The following PKD1L1 variants were observed in gnomAD, a reference collection of about 807,000 sequenced individuals.
PKD1L1 encodes the protein polycystin-1-like protein 1.
PKD1L1 carries 236 observed loss-of-function variants against 323.4 expected under a neutral mutation model. The ratio of observed to expected loss-of-function variants is 0.73; its 90% CI spans 0.66 to 0.81. PKD1L1 has a LOEUF of 0.81. Ranked by LOEUF, PKD1L1 falls within the 40% of genes least tolerant of loss-of-function variation. The pLI, the probability that PKD1L1 is intolerant of heterozygous loss-of-function variation, is 0.00. For missense variants in PKD1L1, 3,320 were observed against 3,508.0 expected (o/e 0.95, Z 1.35); for synonymous variants, 1,344 against 1,335.0 (o/e 1.01, Z -0.15).
chr7:47,795,194 A>G, intron 55 of PKD1L1: 1 of 337,074 alleles, frequency 3.0e-6, no homozygotes, highest in Non-Finnish European at 5.8e-6. Flanking sequence ...TCCCTATTCA[A>G]ATCTCAACTA....
At position 47,852,099 on chromosome 7, in the gene PKD1L1, G is replaced by T. The variant is rs1583620242; in HGVS notation, c.4960+1028C>A. 2.0e-5 allele frequency among the ~76,000 whole-genome samples: 3 copies of T among 152,184 alleles called. No individual in the cohort carries two copies. In the South Asian group the frequency reaches 6.2e-4, roughly 32 times the overall value. On this transcript the variant is annotated intron_variant, in intron 31 of 56. Transcript: ENST00000289672. ...TTCATGAGATGTTTAAGTATTCAGGGGTGGTATGTCATGGGGCCTGCAACT... is the reference window on the plus strand; with the variant it reads ...TTCATGAGATGTTTAAGTATTCAGGTGTGGTATGTCATGGGGCCTGCAACT...
chr7:47,777,038 T>C (rs1786583536), intron 56 of PKD1L1, among the ~76,000 whole-genome samples: 1 of 152,114 alleles, frequency 6.6e-6, no homozygotes, highest in Admixed American at 6.6e-5. Flanking sequence ...ATTACAAGCA[T>C]GCGCCACCAC....
upstream of PKD1L1, among the ~76,000 whole-genome samples, chr7:47,953,107 A>G (rs910766787): frequency 2.6e-5 from 4 of 152,182 alleles, no homozygotes; most frequent in Non-Finnish European, 5.9e-5. Flanking sequence ...ATCATCTTTC[A>G]GCACTACAGT....
Position 47,839,576 on chromosome 7 carries a change from A to T in PKD1L1, c.5639T>A (p.Val1880Glu), listed in dbSNP as rs763395047. Reference sequence around the variant, plus strand: ...TCCCGTGTGCAGCTCCTTCACCATCACGTGGCTGATGAACCAGCCTGGGGA... The same window carrying T: ...TCCCGTGTGCAGCTCCTTCACCATCTCGTGGCTGATGAACCAGCCTGGGGA... ...GPSPGWFISHVMVKELHTGQG... is the reference protein window; with the variant it reads ...GPSPGWFISHEMVKELHTGQG... Residue 1880 changes from valine (V) to glutamate (E), a missense_variant, in exon 36 of 57, where the codon GTG becomes GAG. Coordinates refer to ENST00000289672, the MANE Select transcript of PKD1L1 (RefSeq NM_138295.5). This position sits in a 1 kb window ranked among gnomAD's most constrained non-coding sequence, Gnocchi z 4.3. 6 of 1,603,414 alleles carry T rather than the reference A, an allele frequency of 3.7e-6. No homozygotes were observed. In the African/African-American group the frequency reaches 8.0e-5, roughly 21 times the overall value.
intron 49 of PKD1L1, among the ~76,000 whole-genome samples, chr7:47,812,736 C>T (rs1451327603): frequency 1.3e-5 from 2 of 152,150 alleles, no homozygotes; most frequent in Non-Finnish European, 2.9e-5. Context: ...AACCTCCACC[C>T]CTCACCCTCA....
chr7:47,942,194 G>A (rs1359708906), intron 2 of PKD1L1, among the ~76,000 whole-genome samples: 2 of 152,090 alleles, frequency 1.3e-5, no homozygotes, highest in Non-Finnish European at 2.9e-5. Flanking sequence ...AGTCAGATGG[G>A]GAGATATATT....
intron 14 of PKD1L1, among the ~76,000 whole-genome samples, chr7:47,896,829 T>G (rs1481096714): frequency 1.3e-5 from 2 of 152,190 alleles, no homozygotes; most frequent in Admixed American, 1.3e-4. Context: ...ACATTGACCC[T>G]GCTCTGCTCT....
intron 26 of PKD1L1, 131 bp from the exon 27 acceptor site, chr7:47,859,016 A>G (rs1785967090): frequency 8.9e-7 from 1 of 1,128,638 alleles, no homozygotes; most frequent in Non-Finnish European, 1.3e-6. Context: ...AAAGTGCCTC[A>G]TGGCATATGA....
At chr7:47,826,105 G>A (rs764123145) in intron 45 of PKD1L1, among the ~76,000 whole-genome samples, 4 of 151,992 alleles carry the variant, frequency 2.6e-5, no homozygotes, top group African/African-American at 7.3e-5. Flanking sequence ...TCCAAGATGC[G>A]CCCACCACAC....
At chr7:47,905,476 G>T in intron 10 of PKD1L1, 151 bp from the exon 11 acceptor site, 1 of 935,946 alleles carries the variant, frequency 1.1e-6, no homozygotes, top group Non-Finnish European at 1.6e-6. Context: ...CAAGGATGCA[G>T]CTGTGGGCAC....
Position 47,796,160 on chromosome 7 carries a change from A to G in PKD1L1, c.8194-10T>C. 1.3e-6 allele frequency: 2 copies of G among 1,569,876 alleles called. No individual in the cohort carries two copies. The highest frequency in any genetic ancestry group is 1.7e-6 in the Non-Finnish European group (2 of 1,160,014). ...TGAGAAAACCTCTCAGCTAGGAAAA[A>G]GAAAAAAATAAAGACAAATTTCATG... On this transcript the variant is annotated splice_polypyrimidine_tract_variant and intron_variant, in intron 54 of 56. Coordinates refer to ENST00000289672, the MANE Select transcript of PKD1L1 (RefSeq NM_138295.5).
At chr7:47,880,271 T>TATAG (rs1562970471) in intron 21 of PKD1L1, among the ~76,000 whole-genome samples, 11 of 78,036 alleles carry the variant, frequency 1.4e-4, no homozygotes, top group African/African-American at 7.0e-4. Flanking sequence ...TATACATATA[T>TATAG]ATATATATAT....
At chr7:47,815,489 T>A (rs769102899) in intron 46 of PKD1L1, 32 bp from the exon 47 acceptor site, 1 of 1,606,198 alleles carries the variant, frequency 6.2e-7, no homozygotes, top group Admixed American at 1.7e-5. Context: ...AAAAGTTGCT[T>A]CTGCATCAAC....
intron 52 of PKD1L1, among the ~76,000 whole-genome samples, chr7:47,804,466 TTA>T (rs1784732487): frequency 8.1e-6 from 1 of 123,252 alleles, no homozygotes; most frequent in Non-Finnish European, 1.6e-5. Flanking sequence ...TTTTACATTT[TTA>T]ATTTTTTTTT....
intron 56 of PKD1L1, among the ~76,000 whole-genome samples, chr7:47,788,946 A>G (rs2128722846): frequency 6.6e-6 from 1 of 152,246 alleles, no homozygotes; most frequent in Non-Finnish European, 1.5e-5. Context: ...TTTAATACTC[A>G]TATGATCATG....
chr7:47,829,650 C>G, intron 43 of PKD1L1, 49 bp from the exon 44 acceptor site: 1 of 1,525,166 alleles, frequency 6.6e-7, no homozygotes, highest in Non-Finnish European at 8.8e-7. Flanking sequence ...TGTCTGTGTT[C>G]ATTCCACACA....
chr7:47,917,932 C>G (rs529279352), intron 7 of PKD1L1, among the ~76,000 whole-genome samples: 4 of 151,980 alleles, frequency 2.6e-5, no homozygotes, highest in Non-Finnish European at 4.4e-5. Context: ...AAACCAATAA[C>G]TAAAGTATAC....
intron 56 of PKD1L1, among the ~76,000 whole-genome samples, chr7:47,789,583 T>C (rs1233272982): frequency 6.6e-6 from 1 of 152,208 alleles, no homozygotes; most frequent in East Asian, 1.9e-4. Flanking sequence ...TATTTGTGTG[T>C]GTTGTGAATT....
intron 24 of PKD1L1, among the ~76,000 whole-genome samples, chr7:47,869,585 C>T (rs1786237346): frequency 6.6e-6 from 1 of 152,044 alleles, no homozygotes; most frequent in Middle Eastern, 3.2e-3. Context: ...ATATAGGGAC[C>T]TAACAACAGG....
Sources: allele counts gnomAD v4.1 joint callset (sites outside exome capture counted in the v4.1 genomes callset), GRCh38; gene constraint gnomAD v4.1.1; non-coding constraint Gnocchi (gnomAD v3.1); transcripts MANE v1.5; gene names NCBI Gene and HGNC (gene_info 2026-07-23, HGNC 2026-07-21).